The following SLCO2B1 variants were observed in gnomAD, a reference collection of about 807,000 sequenced individuals.
SLCO2B1 encodes the protein solute carrier organic anion transporter family member 2B1.
In SLCO2B1, 41 loss-of-function variants were observed where a neutral mutation model predicts 67.3. That is an observed-to-expected ratio of 0.61 (90% confidence interval 0.47 to 0.79). The LOEUF (loss-of-function observed/expected upper bound fraction) is 0.79, where lower values mean the gene tolerates loss of function less well. Among genes scored for constraint, SLCO2B1 ranks in the 30% least tolerant of loss-of-function variants. The probability of loss-of-function intolerance (pLI) is 0.00; values close to 1 mark genes in which losing one functional copy is unlikely to be tolerated. For missense variants in SLCO2B1, 837 were observed against 920.1 expected, an observed-to-expected ratio of 0.91 and a Z score of 1.17; for synonymous variants, 379 against 381.4, an observed-to-expected ratio of 0.99 and a Z score of 0.07.
Position 75,163,964 on chromosome 11 carries a change from T to A in SLCO2B1, c.149T>A (p.Leu50Gln), listed in dbSNP as rs767405995. Residue 50 changes from leucine (L) to glutamine (Q), a missense_variant and splice_region_variant, in exon 3 of 14, where the codon CTG (leucine) becomes CAG (glutamine). Leu to Gln is a moderately radical substitution (Grantham distance 113, BLOSUM62 -2). Transcript: ENST00000289575. ...VRPSVFHNIKLFVLCHSLLQL... is the reference protein window; with the variant it reads ...VRPSVFHNIKQFVLCHSLLQL... ...GCCTGCCTCCGGGTCCCCCCACAGC[T>A]GTTCGTTCTGTGCCACAGCCTGCTG... The A allele has an allele frequency of 6.3e-7, 1 of 1,597,678 alleles. No individual in the cohort carries two copies.
At chr11:75,166,085 C>T (rs895008817) in intron 4 of SLCO2B1, 136 bp downstream of exon 4, 9 of 1,088,150 alleles carry the variant, frequency 8.3e-6, no homozygotes, top group Non-Finnish European at 1.2e-5. Context: ...CTAGTCCCCC[C>T]CCAACCTGGC....
intron 7 of SLCO2B1, among the ~76,000 whole-genome samples, chr11:75,180,237 G>A (rs574390269): frequency 2.9e-4 from 44 of 152,224 alleles, no homozygotes; most frequent in Middle Eastern, 6.8e-3. Context: ...GGCTGGCCTC[G>A]AACTCCTGAC....
rs1173423462 is a variant in SLCO2B1 at position 75,205,484 on chromosome 11, T to A, written c.*904T>A. 2 of 152,272 alleles carry A rather than the reference T, an allele frequency of 1.3e-5. No homozygotes were observed. Among genetic ancestry groups the A allele is most frequent in the African/African-American group, 4.8e-5 (2 of 41,466 alleles). The allele number at this position is 152,272 out of a possible 1,614,324, so 9.4% of individuals were successfully genotyped here. On this transcript the variant is annotated 3_prime_UTR_variant, in exon 14 of 14. Transcript: ENST00000289575. ...ACACATTGCCAAGATTTCACACATG[T>A]GACCAGGGGCCACCAAAGTCCCTGT...
At chr11:75,196,761 T>C in intron 10 of SLCO2B1, 82 bp downstream of exon 10, 1 of 1,251,946 alleles carries the variant, frequency 8.0e-7, no homozygotes, top group East Asian at 2.5e-5. Flanking sequence ...ACTCTCCACT[T>C]CTGCATGCTC....
Position 75,204,537 on chromosome 11 carries a change from T to C in SLCO2B1, c.2087T>C (p.Leu696Pro), listed in dbSNP as rs781191690. The change falls in exon 14 of 14, where the codon CTA (leucine) becomes CCA (proline). Residue 696 changes from leucine (L) to proline (P), a missense_variant. Transcript: ENST00000289575. ...AGCCCTGCCGTAGAGCAGCAATTGC[T>C]AGTGTCGGGGCCAGGGAAGAAGCCA... ...RSSPAVEQQL[L>P]VSGPGKKPED... 6.2e-7 allele frequency: 1 copy of C among 1,612,684 alleles called. No individual in the cohort carries two copies. Among genetic ancestry groups the C allele is most frequent in the Non-Finnish European group, 8.5e-7 (1 of 1,179,382 alleles).
intron 7 of SLCO2B1, 64 bp from the exon 8 acceptor site, chr11:75,188,072 C>A: frequency 1.7e-6 from 2 of 1,177,398 alleles, no homozygotes; most frequent in Non-Finnish European, 2.5e-6. Context: ...CCCCAGCCCA[C>A]AGCCAACTCT....
At chr11:75,164,232 C>A (rs751519389) in intron 3 of SLCO2B1, 132 bp downstream of exon 3, 2 of 989,210 alleles carry the variant, frequency 2.0e-6, no homozygotes, top group South Asian at 3.4e-5. Flanking sequence ...CCTGTCCCAG[C>A]GCCTGCCTGA....
chr11:75,169,053 G>A (rs949214309), intron 4 of SLCO2B1, 120 bp from the exon 5 acceptor site: 2 of 777,682 alleles, frequency 2.6e-6, no homozygotes, highest in South Asian at 1.9e-5. Context: ...TCACCCTTGA[G>A]GTTTGTTGTG....
At position 75,202,934 on chromosome 11, in the gene SLCO2B1, G is replaced by A; in HGVS notation, c.1797G>A (p.Val599=). ...GVKKEDKTLA[V]GIQFMFLRIL... The stretch of plus-strand genomic sequence containing the variant: ...AGAAAGAAGACAAGACTTTGGCTGT[G>A]GGCATCCAGTTCATGTTCCTGAGGA... The change falls in exon 12 of 14, where the codon GTG becomes GTA. Residue 599 remains valine (V), a synonymous_variant. Coordinates refer to ENST00000289575, the MANE Select transcript of SLCO2B1 (RefSeq NM_007256.5). The A allele has an allele frequency of 6.2e-7, 1 of 1,613,946 alleles. No individual in the cohort carries two copies. The highest frequency in any genetic ancestry group is 1.1e-5 in the South Asian group (1 of 91,062).
At position 75,162,935 on chromosome 11, in the gene SLCO2B1, G is replaced by A. The variant is rs534611952; in HGVS notation, c.147+150G>A. ...TGTGAGGATCAAAGGGATGATCTGC[G>A]AAAGCACTCAGCTGGGTTTCGGGCA... On this transcript the variant is annotated intron_variant, in intron 2 of 13. Coordinates refer to ENST00000289575, the MANE Select transcript of SLCO2B1 (RefSeq NM_007256.5). 8.0e-5 allele frequency: 76 copies of A among 953,028 alleles called. No individual in the cohort carries two copies. The South Asian group carries it at 1.0e-3, about 13-fold the overall frequency. The allele number at this position is 953,028 out of a possible 1,614,324, so 59.0% of individuals were successfully genotyped here.
intron 1 of SLCO2B1, among the ~76,000 whole-genome samples, chr11:75,160,120 C>T (rs1949799361): frequency 6.6e-6 from 1 of 152,164 alleles, no homozygotes; most frequent in African/African-American, 2.4e-5. Context: ...AGAGCTGGGG[C>T]TCCAGGTCAA....
chr11:75,151,139 T>G lies in SLCO2B1; in HGVS notation c.-243T>G. ...GCAAGTGACCCAGGGAGACAAACACTTGGAGATACTTGGGGCTGAGTTTGA... is the reference window on the plus strand; with the variant it reads ...GCAAGTGACCCAGGGAGACAAACACGTGGAGATACTTGGGGCTGAGTTTGA... On this transcript the variant is annotated 5_prime_UTR_variant, in exon 1 of 14. Transcript: ENST00000289575. 1.9e-6 allele frequency: 1 copy of G among 522,954 alleles called. No homozygotes were observed. Among genetic ancestry groups the G allele is most frequent in the Admixed American group, 3.4e-5 (1 of 29,744 alleles). 32.4% of individuals were successfully genotyped at this position (522,954 alleles called of 1,614,324 possible).
At chr11:75,156,363 T>A (rs1396697209) in intron 1 of SLCO2B1, among the ~76,000 whole-genome samples, 1 of 151,584 alleles carries the variant, frequency 6.6e-6, no homozygotes, top group East Asian at 1.9e-4. Context: ...GGCCTGGGAG[T>A]GGGGTTTTAT....
intron 7 of SLCO2B1, among the ~76,000 whole-genome samples, chr11:75,178,474 GT>G (rs1267834902): frequency 1.3e-5 from 2 of 152,038 alleles, no homozygotes; most frequent in African/African-American, 4.8e-5. Flanking sequence ...CTTTTTACAT[GT>G]TTTTTAACTT....
At chr11:75,162,949 G>T (rs890012112) in intron 2 of SLCO2B1, 164 bp downstream of exon 2, 18 of 814,232 alleles carry the variant, frequency 2.2e-5, no homozygotes, top group Non-Finnish European at 3.2e-5. Context: ...GCACTCAGCT[G>T]GGTTTCGGGC....
At chr11:75,154,145 C>T (rs1403985237) in intron 1 of SLCO2B1, among the ~76,000 whole-genome samples, 3 of 149,460 alleles carry the variant, frequency 2.0e-5, no homozygotes, top group Non-Finnish European at 1.5e-5. Flanking sequence ...AGGCTGGTCT[C>T]GAACTCCTGA....
intron 10 of SLCO2B1, 64 bp downstream of exon 10, chr11:75,196,743 C>T: frequency 6.9e-7 from 1 of 1,459,300 alleles, no homozygotes. Flanking sequence ...TCTCTGTGGG[C>T]CTGTCATACT....
Position 75,165,775 on chromosome 11 carries a change from G to A in SLCO2B1, c.286-12G>A, listed in dbSNP as rs750866298. On this transcript the variant is annotated splice_polypyrimidine_tract_variant and intron_variant, in intron 3 of 13. Coordinates refer to ENST00000289575, the MANE Select transcript of SLCO2B1 (RefSeq NM_007256.5). The stretch of plus-strand genomic sequence containing the variant: ...CTGTTCCACCTTAATGGGTCACCTC[G>A]TCCTTTTGCAGGTGGGGAACACAGC... 4.5e-5 allele frequency: 73 copies of A among 1,613,798 alleles called. 1 individual carries two copies. In the East Asian group the frequency reaches 1.2e-3, roughly 26 times the overall value.
In SLCO2B1 at chr11:75,204,758, C is replaced by A; in HGVS notation, c.*178C>A. The A allele has an allele frequency of 2.0e-6, 1 of 493,310 alleles. No homozygotes were observed. The highest frequency in any genetic ancestry group is 3.4e-6 in the Non-Finnish European group (1 of 295,854). 30.6% of individuals were successfully genotyped at this position (493,310 alleles called of 1,614,324 possible). ...TCAGCCTTTGCTTGCTAGTCTGAAC[C>A]AAAGAGTTGTTTGGGCATTTGCTGT... On this transcript the variant is annotated 3_prime_UTR_variant, in exon 14 of 14. Transcript: ENST00000289575.
Sources: allele counts gnomAD v4.1 joint callset (sites outside exome capture counted in the v4.1 genomes callset), GRCh38; gene constraint gnomAD v4.1.1; transcripts MANE v1.5; gene names NCBI Gene and HGNC (gene_info 2026-07-23, HGNC 2026-07-21).